The following TAMM41 variants were observed in gnomAD, a reference collection of about 807,000 sequenced individuals.
TAMM41 encodes the protein TAM41 mitochondrial translocator assembly and maintenance homolog, also known as phosphatidate cytidylyltransferase, mitochondrial.
A neutral mutation model predicts 44.1 loss-of-function variants in TAMM41; 36 were observed. The observed-to-expected ratio is 0.82, with a 90% confidence interval of 0.63 to 1.08. TAMM41 has a LOEUF of 1.08. TAMM41 is among the 50% of genes least tolerant of loss of function. The pLI is 0.00. For synonymous variants in TAMM41, 164 were observed against 153.1 expected (o/e 1.07, Z -0.53); for missense variants, 417 against 404.3 (o/e 1.03, Z -0.27).
At chr3:11,725,963 T>TG in the TAMM41 span, among the ~76,000 whole-genome samples, 11 of 152,150 alleles carry the variant, frequency 7.2e-5, no homozygotes, top group Non-Finnish European at 1.5e-4. Flanking sequence ...GGCTGTTCAA[T>TG]GGGTGAGTGT....
At chr3:11,820,790 A>C (rs1260473774) in intron 4 of TAMM41, among the ~76,000 whole-genome samples, 1 of 152,210 alleles carries the variant, frequency 6.6e-6, no homozygotes, top group African/African-American at 2.4e-5. Flanking sequence ...ACTTTATTTT[A>C]TGCCTCTAGA....
intron 7 of TAMM41, among the ~76,000 whole-genome samples, chr3:11,803,399 A>C (rs1048093320): frequency 1.3e-5 from 2 of 152,196 alleles, no homozygotes; most frequent in African/African-American, 2.4e-5. Flanking sequence ...CACAAAAAAA[A>C]ACAAAAAACA....
At chr3:11,764,714 G>A in the TAMM41 span, among the ~76,000 whole-genome samples, 24 of 151,560 alleles carry the variant, frequency 1.6e-4, no homozygotes, top group African/African-American at 3.6e-4. Context: ...GGATGGTCTC[G>A]ATCTCCTGAC....
chr3:11,731,799 C>T, the TAMM41 span, among the ~76,000 whole-genome samples: 1 of 152,082 alleles, frequency 6.6e-6, no homozygotes, highest in Admixed American at 6.5e-5. Context: ...CGTGTCTCCC[C>T]TGCCTGCCCC....
Position 11,808,723 on chromosome 3 carries a change from C to CT in TAMM41, c.874+793dup, listed in dbSNP as rs150689636. 3,014 of 691,722 alleles carry CT rather than the reference C, an allele frequency of 4.4e-3. 82 individuals carry two copies. The African/African-American group carries it at 0.051, about 12-fold the overall frequency. The allele number at this position is 691,722 out of a possible 1,614,324, so 42.8% of individuals were successfully genotyped here. A position where few individuals can be genotyped will look rare whatever the true frequency, so the allele number is the denominator to read the frequency against. On this transcript the variant is annotated intron_variant, in intron 6 of 7. Coordinates refer to ENST00000455809, the MANE Select transcript of TAMM41 (RefSeq NM_001284401.2). ...AGTCTCTGAAGATAAGGTTCAGGCT[C>CT]TTTTTTTTGTTTGTTTTTTAAGAGA...
chr3:11,770,897 A>T, the TAMM41 span, among the ~76,000 whole-genome samples: 1 of 152,264 alleles, frequency 6.6e-6, no homozygotes, highest in Admixed American at 6.5e-5. Flanking sequence ...GTCTCTCCCC[A>T]GAGGGCTGGA....
chr3:11,760,710 G>A, the TAMM41 span, among the ~76,000 whole-genome samples: 87 of 152,040 alleles, frequency 5.7e-4, 1 homozygote, highest in East Asian at 0.016. Context: ...ATAGGGGCCC[G>A]CCACCATGCC....
chr3:11,842,640 G>C (rs1032330580), intron 2 of TAMM41, among the ~76,000 whole-genome samples: 1 of 152,106 alleles, frequency 6.6e-6, no homozygotes, highest in Non-Finnish European at 1.5e-5. Flanking sequence ...ATTGCAATGA[G>C]CGGAGATGGT....
the TAMM41 span, among the ~76,000 whole-genome samples, chr3:11,723,828 A>G: frequency 6.6e-6 from 1 of 152,108 alleles, no homozygotes; most frequent in Non-Finnish European, 1.5e-5. Flanking sequence ...TGATGAGAAT[A>G]TATTTCAACC....
At chr3:11,845,574 C>T (rs1272750878) in intron 1 of TAMM41, among the ~76,000 whole-genome samples, 3 of 152,000 alleles carry the variant, frequency 2.0e-5, no homozygotes, top group Non-Finnish European at 4.4e-5. Context: ...AAGGTAAATT[C>T]GGGAAAAATA....
At chr3:11,776,703 T>C in the TAMM41 span, among the ~76,000 whole-genome samples, 3 of 152,168 alleles carry the variant, frequency 2.0e-5, no homozygotes, top group South Asian at 6.2e-4. Context: ...TGTCATTAAG[T>C]GACACGTGAC....
chr3:11,805,537 G>T (rs1160270707), intron 7 of TAMM41, among the ~76,000 whole-genome samples: 1 of 152,174 alleles, frequency 6.6e-6, no homozygotes, highest in East Asian at 1.9e-4. Context: ...CTCCCAAAGT[G>T]CTGGGATTAT....
chr3:11,807,401 C>A, intron 7 of TAMM41: 2 of 1,524,748 alleles, frequency 1.3e-6, no homozygotes, highest in Non-Finnish European at 1.8e-6. Flanking sequence ...AGAGAAGGAG[C>A]AACGAAAACT....
At chr3:11,760,165 T>C in the TAMM41 span, among the ~76,000 whole-genome samples, 1 of 152,180 alleles carries the variant, frequency 6.6e-6, no homozygotes, top group African/African-American at 2.4e-5. Context: ...TCAAACTTGT[T>C]TTCTTCCCTG....
chr3:11,840,377 C>T (rs2079381663), intron 2 of TAMM41, among the ~76,000 whole-genome samples: 1 of 151,938 alleles, frequency 6.6e-6, no homozygotes. Context: ...GGATTACAGG[C>T]ACGCGGTACC....
In TAMM41 at chr3:11,807,431, A is replaced by G. The variant is rs1424599333; in HGVS notation, c.937+402T>C. 2.0e-6 allele frequency: 3 copies of G among 1,529,728 alleles called. No homozygotes were observed. The Admixed American group carries it at 6.0e-5, about 31-fold the overall frequency. 94.8% of individuals were successfully genotyped at this position (1,529,728 alleles called of 1,614,324 possible). Reference sequence around the variant, plus strand: ...AAAACTTACCATTTAGAGAAATGGCAGTAACAACAAAAATAACCCACTAAG... The same window carrying G: ...AAAACTTACCATTTAGAGAAATGGCGGTAACAACAAAAATAACCCACTAAG... On this transcript the variant is annotated intron_variant, in intron 7 of 7. Transcript: ENST00000455809.
chr3:11,792,263 A>G (rs2077497891), intron 7 of TAMM41, among the ~76,000 whole-genome samples: 1 of 152,092 alleles, frequency 6.6e-6, no homozygotes, highest in South Asian at 2.1e-4. Flanking sequence ...ACATTTTCAG[A>G]AAGACTGCAG....
chr3:11,816,878 T>A (rs2078300069), intron 5 of TAMM41, among the ~76,000 whole-genome samples: 3 of 152,162 alleles, frequency 2.0e-5, no homozygotes, highest in Non-Finnish European at 4.4e-5. Context: ...GATCTAAAAG[T>A]TTATTTTCAC....
chr3:11,778,825 T>C, the TAMM41 span, among the ~76,000 whole-genome samples: 793 of 152,330 alleles, frequency 5.2e-3, 10 homozygotes, highest in African/African-American at 0.017. Flanking sequence ...ATCCTTTGCC[T>C]ATTTTTAATA....
Sources: allele counts gnomAD v4.1 joint callset (sites outside exome capture counted in the v4.1 genomes callset), GRCh38; gene constraint gnomAD v4.1.1; transcripts MANE v1.5; gene names NCBI Gene and HGNC (gene_info 2026-07-23, HGNC 2026-07-21).